Variants in GPC5 observed in about 807,000 individuals in gnomAD.
GPC5 encodes glypican 5.
A neutral mutation model predicts 53.9 loss-of-function variants in GPC5; 47 were observed. The observed-to-expected ratio is 0.87, with a 90% CI of 0.69 to 1.11. GPC5 has a LOEUF of 1.11. Among genes scored for constraint, GPC5 ranks in the 50% most tolerant of loss-of-function variants. The pLI is 0.00. For missense variants in GPC5, 748 were observed against 713.1 expected (o/e 1.05, Z -0.56); for synonymous variants, 286 against 263.3 (o/e 1.09, Z -0.84).
chr13:92,825,533 T>G (rs2138814751), intron 7 of GPC5, among the ~76,000 whole-genome samples: 1 of 152,276 alleles, frequency 6.6e-6, no homozygotes. Context: ...TTATGAAGAA[T>G]ATATATCACT....
intron 7 of GPC5, among the ~76,000 whole-genome samples, chr13:92,183,533 G>A (rs915258946): frequency 6.6e-6 from 1 of 151,906 alleles, no homozygotes; most frequent in Non-Finnish European, 1.5e-5. Flanking sequence ...TTACTAAAAT[G>A]TTTTAAAATA....
rs140663663 is a variant in GPC5, at chr13:91,907,858, C to T, written c.1281-79C>T. On this transcript the variant is annotated intron_variant, in intron 5 of 7. Transcript: ENST00000377067. Reference sequence around the variant, plus strand: ...ATTCTCTAAAGGAGGAAATTCCGACCTCAAATATGTTCAGATAGCTGTGAC... The same window carrying T: ...ATTCTCTAAAGGAGGAAATTCCGACTTCAAATATGTTCAGATAGCTGTGAC... 4.8e-5 allele frequency: 71 copies of T among 1,472,722 alleles called. 1 individual carries two copies. The East Asian group carries it at 1.7e-3, about 35-fold the overall frequency. The allele number at this position is 1,472,722 out of a possible 1,614,324, so 91.2% of individuals were successfully genotyped here.
In GPC5 at chr13:92,866,454, C is replaced by T; in HGVS notation, c.*15C>T. On this transcript the variant is annotated 3_prime_UTR_variant, in exon 8 of 8. Coordinates refer to ENST00000377067, the MANE Select transcript of GPC5 (RefSeq NM_004466.6). ...GGATTTGGTAACTGAACTCTTCTGTCCTGACATACCTTACTGAAGTCTCGA... is the reference window on the plus strand; with the variant it reads ...GGATTTGGTAACTGAACTCTTCTGTTCTGACATACCTTACTGAAGTCTCGA... 1 of 1,562,908 alleles carries T rather than the reference C, an allele frequency of 6.4e-7. No individual in the cohort carries two copies. Among genetic ancestry groups the T allele is most frequent in the Non-Finnish European group, 8.7e-7 (1 of 1,148,256 alleles).
At chr13:92,289,199 T>C (rs368960070) in intron 7 of GPC5, among the ~76,000 whole-genome samples, 6 of 152,128 alleles carry the variant, frequency 3.9e-5, no homozygotes, top group Non-Finnish European at 7.3e-5. Context: ...GGTAATTACA[T>C]TGGAAGACTC....
At chr13:92,701,650 G>T (rs988448984) in intron 7 of GPC5, 1 of 152,098 alleles carries the variant, frequency 6.6e-6, no homozygotes, top group African/African-American at 2.4e-5. Context: ...TGGAATAACT[G>T]TAAGAAAGGA....
At chr13:91,788,551 C>G (rs995819224) in intron 5 of GPC5, among the ~76,000 whole-genome samples, 1 of 152,132 alleles carries the variant, frequency 6.6e-6, no homozygotes, top group African/African-American at 2.4e-5. Context: ...GCTGCATAAT[C>G]CTTGATGGGG....
At chr13:92,248,770 G>C (rs190811073) in intron 7 of GPC5, among the ~76,000 whole-genome samples, 1 of 152,214 alleles carries the variant, frequency 6.6e-6, no homozygotes, top group East Asian at 1.9e-4. Flanking sequence ...ATGGGGATTC[G>C]ATCAGGAAAA....
intron 7 of GPC5, among the ~76,000 whole-genome samples, chr13:92,613,254 A>G (rs1200755274): frequency 1.3e-4 from 17 of 127,984 alleles, no homozygotes; most frequent in African/African-American, 4.7e-4. Flanking sequence ...TATAATTTAT[A>G]TATAATATAT....
chr13:91,425,029 C>A (rs1263281301), intron 1 of GPC5, among the ~76,000 whole-genome samples: 1 of 152,136 alleles, frequency 6.6e-6, no homozygotes, highest in Admixed American at 6.5e-5. Flanking sequence ...TCAGTTGAAT[C>A]AAGGGAAGAT....
intron 7 of GPC5, among the ~76,000 whole-genome samples, chr13:92,437,536 G>A (rs1305130695): frequency 2.0e-5 from 3 of 152,186 alleles, no homozygotes; most frequent in Non-Finnish European, 4.4e-5. Flanking sequence ...AAAGTTTACA[G>A]CTTTTTAAAA....
chr13:92,770,632 T>C (rs1875578502), intron 7 of GPC5, among the ~76,000 whole-genome samples: 1 of 152,204 alleles, frequency 6.6e-6, no homozygotes, highest in African/African-American at 2.4e-5. Context: ...GGATGGCTGC[T>C]GTAAAATCTT....
At chr13:91,742,798 T>A (rs1413699060) in intron 4 of GPC5, among the ~76,000 whole-genome samples, 1 of 152,208 alleles carries the variant, frequency 6.6e-6, no homozygotes, top group Non-Finnish European at 1.5e-5. Flanking sequence ...TGGTGTTTCA[T>A]AATGCTTACA....
intron 7 of GPC5, among the ~76,000 whole-genome samples, chr13:92,491,448 G>C (rs1265623085): frequency 6.6e-6 from 1 of 152,042 alleles, no homozygotes; most frequent in Non-Finnish European, 1.5e-5. Context: ...ATTAAGATGG[G>C]TAGTTTTTGT....
In GPC5 at chr13:91,557,752, T is replaced by C. The variant is rs1173483457; in HGVS notation, c.325+108830T>C. Among the ~76,000 whole-genome samples the C allele has an allele frequency of 7.2e-5, 11 of 152,122 alleles. 1 individual carries two copies. Among genetic ancestry groups the C allele is most frequent in the Admixed American group, 7.2e-4 (11 of 15,248 alleles). On this transcript the variant is annotated intron_variant, in intron 2 of 7. Transcript: ENST00000377067. Reference sequence around the variant, plus strand: ...TGGTTATTAGTCGTCAGCCCAGTAATAAATACATTGCAAGAAAAAGATGTT... The same window carrying C: ...TGGTTATTAGTCGTCAGCCCAGTAACAAATACATTGCAAGAAAAAGATGTT...
chr13:92,188,625 G>T (rs919864144), intron 7 of GPC5, among the ~76,000 whole-genome samples: 1 of 152,094 alleles, frequency 6.6e-6, no homozygotes, highest in Non-Finnish European at 1.5e-5. Flanking sequence ...TAATTGAATA[G>T]ATTTAATAAG....
At chr13:91,727,266 C>T (rs573137345) in intron 3 of GPC5, among the ~76,000 whole-genome samples, 12 of 152,286 alleles carry the variant, frequency 7.9e-5, no homozygotes, top group Admixed American at 2.0e-4. Context: ...AACAGATGCT[C>T]CAAGTCTCAT....
In GPC5 at chr13:92,369,450, T is replaced by C. The variant is rs551739049; in HGVS notation, c.1561+224461T>C. ...ACCAGGGCCTCCCAAAGTGTGAGATTACAGATCTGAGCCACCACCTTCAGC... is the reference window on the plus strand; with the variant it reads ...ACCAGGGCCTCCCAAAGTGTGAGATCACAGATCTGAGCCACCACCTTCAGC... On this transcript the variant is annotated intron_variant, in intron 7 of 7. Transcript: ENST00000377067. Among the ~76,000 whole-genome samples, 15 of 152,362 alleles carry C rather than the reference T, an allele frequency of 9.8e-5. No homozygotes were observed. In the South Asian group the frequency reaches 2.9e-3, roughly 29 times the overall value.
At chr13:91,702,058 C>T (rs1230449828) in intron 3 of GPC5, among the ~76,000 whole-genome samples, 1 of 152,038 alleles carries the variant, frequency 6.6e-6, no homozygotes, top group Non-Finnish European at 1.5e-5. Context: ...TGATATTAAA[C>T]ATTTAAACAT....
intron 7 of GPC5, among the ~76,000 whole-genome samples, chr13:92,707,304 C>T (rs1285073888): frequency 6.6e-6 from 1 of 152,084 alleles, no homozygotes; most frequent in African/African-American, 2.4e-5. Context: ...AAATAGAAGT[C>T]TTTTAGAAGT....
Sources: gnomAD v4.1 joint callset for allele counts (sites outside exome capture counted in the v4.1 genomes callset) on GRCh38, gnomAD v4.1.1 for gene constraint, MANE v1.5 for transcripts, NCBI Gene and HGNC (gene_info 2026-07-23, HGNC 2026-07-21) for gene names.